FANCC: variants seen among roughly 807,000 people sequenced by gnomAD.
FANCC encodes Fanconi anemia group C protein.
In FANCC, 55 loss-of-function variants were observed where a neutral mutation model predicts 71.3. The observed-to-expected ratio is 0.77, with a 90% confidence interval of 0.62 to 0.97. The LOEUF is 0.97. FANCC is among the 50% of genes least tolerant of loss of function. The pLI, the probability that FANCC is intolerant of heterozygous loss-of-function variation, is 0.00. For missense variants in FANCC, 678 were observed against 670.9 expected (o/e 1.01, Z -0.12); for synonymous variants, 275 against 244.9 (o/e 1.12, Z -1.15).
chr9:95,142,191 C>A (rs113576871), intron 7 of FANCC, among the ~76,000 whole-genome samples: 3,442 of 152,006 alleles, frequency 0.023, 141 homozygotes, highest in African/African-American at 0.079. Flanking sequence ...TGGGATTTTA[C>A]CACGTTGGCC....
intron 4 of FANCC, among the ~76,000 whole-genome samples, chr9:95,227,671 C>T (rs1227003992): frequency 2.0e-5 from 3 of 152,166 alleles, no homozygotes; most frequent in African/African-American, 4.8e-5. Context: ...TGTCCCCCAG[C>T]CCCCATTTAA....
intron 9 of FANCC, 129 bp downstream of exon 9, chr9:95,126,400 A>G (rs748445259): frequency 3.3e-6 from 3 of 912,240 alleles, no homozygotes; most frequent in Non-Finnish European, 5.3e-6. Flanking sequence ...AGCTCAGAGG[A>G]ACAGGAGGGA....
chr9:95,265,464 A>C (rs1238196538), intron 1 of FANCC, among the ~76,000 whole-genome samples: 2 of 152,146 alleles, frequency 1.3e-5, no homozygotes, highest in Non-Finnish European at 2.9e-5. Context: ...TAAGACAGAA[A>C]TCTCTGACCT....
chr9:95,104,423 G>A (rs1337894215), intron 14 of FANCC, among the ~76,000 whole-genome samples: 1 of 152,192 alleles, frequency 6.6e-6, no homozygotes, highest in Non-Finnish European at 1.5e-5. Flanking sequence ...TGACTTGGGG[G>A]ATGTGATGAC....
intron 1 of FANCC, among the ~76,000 whole-genome samples, chr9:95,278,992 C>T (rs1447305404): frequency 6.6e-6 from 1 of 151,832 alleles, no homozygotes; most frequent in Non-Finnish European, 1.5e-5. Flanking sequence ...TTGAGACTGG[C>T]CTGGGCAACA....
intron 1 of FANCC, among the ~76,000 whole-genome samples, chr9:95,277,991 T>C (rs1833148266): frequency 6.6e-6 from 1 of 152,222 alleles, no homozygotes. Flanking sequence ...TTTTTCTCTC[T>C]TATTCTCATA....
chr9:95,118,286 T>TG (rs2072592207), intron 10 of FANCC, among the ~76,000 whole-genome samples: 1 of 152,228 alleles, frequency 6.6e-6, no homozygotes, highest in Non-Finnish European at 1.5e-5. Context: ...CCCAAAGTGC[T>TG]GGGGTTATAG....
intron 1 of FANCC, among the ~76,000 whole-genome samples, chr9:95,280,326 G>A (rs1407208312): frequency 2.0e-5 from 3 of 152,034 alleles, no homozygotes; most frequent in African/African-American, 4.8e-5. Flanking sequence ...AATATTAATC[G>A]CTGGAGACTT....
At chr9:95,253,294 A>G (rs1831465406) in intron 1 of FANCC, among the ~76,000 whole-genome samples, 1 of 152,274 alleles carries the variant, frequency 6.6e-6, no homozygotes, top group East Asian at 1.9e-4. Context: ...CATCGGCCAC[A>G]TGTGGGATGA....
At position 95,317,539 on chromosome 9, in the gene FANCC, C is replaced by T. The variant is rs1428278941; in HGVS notation, c.-92G>A. Reference sequence around the variant, plus strand: ...CCTGCCGCTTACCGGGTGGTCCTCGCGGGAGCTGCTTCAGCAGTTTGGGCA... The same window carrying T: ...CCTGCCGCTTACCGGGTGGTCCTCGTGGGAGCTGCTTCAGCAGTTTGGGCA... On this transcript the variant is annotated 5_prime_UTR_variant, in exon 1 of 15. Transcript: ENST00000289081. The T allele has an allele frequency of 6.6e-6, 1 of 152,310 alleles. No individual in the cohort carries two copies. The highest frequency in any genetic ancestry group is 2.4e-5 in the African/African-American group (1 of 41,466). The allele number at this position is 152,310 out of a possible 1,614,324, so 9.4% of individuals were successfully genotyped here.
intron 9 of FANCC, among the ~76,000 whole-genome samples, chr9:95,125,670 C>CA (rs1169658391): frequency 5.9e-5 from 9 of 152,044 alleles, no homozygotes; most frequent in Non-Finnish European, 1.5e-5. Context: ...ACAAAACAAA[C>CA]AAAAAAACTC....
intron 1 of FANCC, among the ~76,000 whole-genome samples, chr9:95,268,113 T>C (rs1252417858): frequency 6.6e-6 from 1 of 152,226 alleles, no homozygotes; most frequent in African/African-American, 2.4e-5. Flanking sequence ...CCCCTACCAG[T>C]TGGTGGATAT....
At chr9:95,227,748 T>C (rs1200672887) in intron 4 of FANCC, among the ~76,000 whole-genome samples, 4 of 152,248 alleles carry the variant, frequency 2.6e-5, no homozygotes, top group Admixed American at 1.3e-4. Context: ...AAGTGGCCCA[T>C]TGGGATCAGG....
At chr9:95,186,008 G>A (rs1233860446) in intron 4 of FANCC, among the ~76,000 whole-genome samples, 1 of 152,138 alleles carries the variant, frequency 6.6e-6, no homozygotes, top group African/African-American at 2.4e-5. Flanking sequence ...TTATTATTCA[G>A]CACTTTTTTG....
chr9:95,298,224 TA>T (rs1024173551), intron 1 of FANCC, among the ~76,000 whole-genome samples: 1 of 151,380 alleles, frequency 6.6e-6, no homozygotes, highest in Non-Finnish European at 1.5e-5. Context: ...TCAGACATAG[TA>T]AAAAAAAGGA....
At chr9:95,169,616 C>T (rs770852115) in intron 6 of FANCC, among the ~76,000 whole-genome samples, 8 of 152,170 alleles carry the variant, frequency 5.3e-5, no homozygotes, top group African/African-American at 9.7e-5. Context: ...AGCTGCCAGA[C>T]CTGGAAAAGG....
At chr9:95,141,513 T>A (rs774785928) in intron 7 of FANCC, among the ~76,000 whole-genome samples, 8 of 152,160 alleles carry the variant, frequency 5.3e-5, no homozygotes, top group Admixed American at 6.5e-5. Flanking sequence ...ATTTTCCTTA[T>A]CTAAGTTGAA....
chr9:95,126,331 T>C lies in FANCC; in HGVS notation c.896+198A>G, dbSNP rs550449572. Among the ~76,000 whole-genome samples, 14 of 152,364 alleles carry C rather than the reference T, an allele frequency of 9.2e-5. No homozygotes were observed. The South Asian group carries it at 1.7e-3, about 18-fold the overall frequency. On this transcript the variant is annotated intron_variant, in intron 9 of 14. Coordinates refer to ENST00000289081, the MANE Select transcript of FANCC (RefSeq NM_000136.3). The stretch of plus-strand genomic sequence containing the variant: ...AAAGAAAATAAAGTTATCTTAATTC[T>C]TAGGCACTGGCCTTTAAATTTACAC...
chr9:95,176,207 T>C (rs1457132101), intron 4 of FANCC, among the ~76,000 whole-genome samples: 1 of 152,210 alleles, frequency 6.6e-6, no homozygotes, highest in Non-Finnish European at 1.5e-5. Flanking sequence ...TTATTTACTC[T>C]ATGGCCAAAC....
Sources: allele counts gnomAD v4.1 joint callset (sites outside exome capture counted in the v4.1 genomes callset), GRCh38; gene constraint gnomAD v4.1.1; transcripts MANE v1.5; gene names NCBI Gene and HGNC (gene_info 2026-07-23, HGNC 2026-07-21).